The following CP variants were observed in gnomAD, a reference collection of about 807,000 sequenced individuals.
CP encodes the protein ceruloplasmin.
CP carries 64 observed loss-of-function variants against 122.4 expected under a neutral mutation model. That is an observed-to-expected ratio of 0.52 (90% CI 0.43 to 0.64). The LOEUF (loss-of-function observed/expected upper bound fraction) is 0.64, where lower values mean the gene tolerates loss of function less well. Ranked by LOEUF, CP falls within the 30% of genes least tolerant of loss-of-function variation. The probability of loss-of-function intolerance (pLI) is 0.00; values close to 1 mark genes in which losing one functional copy is unlikely to be tolerated. For synonymous variants in CP, 440 were observed against 436.4 expected, an observed-to-expected ratio of 1.01 and a Z score of -0.10; for missense variants, 1,167 against 1,284.4, an observed-to-expected ratio of 0.91 and a Z score of 1.40.
chr3:149,181,985 A>ACCCCCTCCCCCCC lies in CP; in HGVS notation c.2554+19_2554+20insGGGGGGGAGGGGG. On this transcript the variant is annotated intron_variant, in intron 14 of 18. Transcript: ENST00000264613. ...CAGCCTGTTAAAATGCACCACCCCC[A>ACCCCCTCCCCCCC]CCCCCGCCCCCGTGAGTACCTGGTA... 1 of 402,782 alleles carries ACCCCCTCCCCCCC rather than the reference A, an allele frequency of 2.5e-6. No homozygotes were observed. The highest frequency in any genetic ancestry group is 4.6e-6 in the Non-Finnish European group (1 of 217,524). The allele number at this position is 402,782 out of a possible 1,614,324, so 25.0% of individuals were successfully genotyped here. A position where few individuals can be genotyped will look rare whatever the true frequency, so the allele number is the denominator to read the frequency against.
rs764198042 is a variant in CP, at chr3:149,183,544, C to T, written c.2347G>A (p.Val783Met). The T allele has an allele frequency of 3.1e-6, 5 of 1,610,134 alleles. No homozygotes were observed. The East Asian group carries it at 8.9e-5, about 29-fold the overall frequency. The change falls in exon 13 of 19, where the codon GTG becomes ATG. Residue 783 changes from valine (V) to methionine (M), a missense_variant. Coordinates refer to ENST00000264613, the MANE Select transcript of CP (RefSeq NM_000096.4). ...FYIGSKYKKV[V>M]YRQYTDSTFR... ...GTGCTATCAGTATACTGCCGATACA[C>T]AACTTTCTTGTACTTTGAGCCTATG...
intron 15 of CP, 74 bp from the exon 16 acceptor site, chr3:149,178,705 AG>A: frequency 9.2e-7 from 1 of 1,090,272 alleles, no homozygotes; most frequent in East Asian, 2.6e-5. Flanking sequence ...CTTTGCACCC[AG>A]GGCCTCAGGA....
At chr3:149,194,727 C>T (rs1726783419) in intron 9 of CP, among the ~76,000 whole-genome samples, 1 of 152,138 alleles carries the variant, frequency 6.6e-6, no homozygotes, top group Non-Finnish European at 1.5e-5. Flanking sequence ...GACTCAACTT[C>T]GTGATTATGT....
intron 1 of CP, 109 bp from the exon 2 acceptor site, chr3:149,212,807 T>C: frequency 1.5e-6 from 2 of 1,336,476 alleles, no homozygotes; most frequent in Non-Finnish European, 2.0e-6. Context: ...GCACATCACA[T>C]TGAATGTTTG....
At chr3:149,162,755 A>G (rs1261949952) in exon 6 of CP, 5 of 1,613,884 alleles carry the variant, frequency 3.1e-6, no homozygotes, top group Admixed American at 3.3e-5. Flanking sequence ...AAGCTCAGCT[A>G]GTGGCATGTC....
At chr3:149,218,659 G>A (rs1011471617) in intron 1 of CP, among the ~76,000 whole-genome samples, 1 of 152,058 alleles carries the variant, frequency 6.6e-6, no homozygotes, top group Admixed American at 6.6e-5. Context: ...GCAAGGAAAA[G>A]TTTTTACAAT....
At chr3:149,178,339 G>A in intron 16 of CP, 76 bp downstream of exon 16, 1 of 1,153,102 alleles carries the variant, frequency 8.7e-7, no homozygotes, top group East Asian at 2.5e-5. Context: ...ACAAATGAAT[G>A]GTCTCCAAAA....
intron 7 of CP, among the ~76,000 whole-genome samples, chr3:149,201,216 C>T (rs987705160): frequency 1.2e-4 from 19 of 152,056 alleles, no homozygotes; most frequent in African/African-American, 4.3e-4. Flanking sequence ...CTCCGCCTCC[C>T]GAGTTCACGC....
In CP at chr3:149,165,201, G is replaced by A. The variant is rs569601451; in HGVS notation, c.*13+745C>T. 2.6e-5 allele frequency among the ~76,000 whole-genome samples: 4 copies of A among 152,110 alleles called. No individual in the cohort carries two copies. The South Asian group carries it at 8.3e-4, about 32-fold the overall frequency. On this transcript the variant is annotated intron_variant, in intron 5 of 5. Transcript: ENST00000479771. ...TGAGCATGTGCTGTAGATGTATGGG[G>A]AGCATTGGACAAGACAGATGGAGCT...
chr3:149,180,494 C>T (rs1258688637), intron 14 of CP, among the ~76,000 whole-genome samples: 2 of 152,172 alleles, frequency 1.3e-5, no homozygotes, highest in African/African-American at 4.8e-5. Context: ...CTCACCAATC[C>T]CAGCCACACT....
chr3:149,197,253 C>T (rs34650204), intron 9 of CP, among the ~76,000 whole-genome samples: 1,820 of 152,140 alleles, frequency 0.012, 13 homozygotes, highest in Non-Finnish European at 0.019. Flanking sequence ...CACATGGACG[C>T]GCATGAAAGT....
chr3:149,212,315 A>C (rs574094979), intron 2 of CP, 136 bp downstream of exon 2: 9 of 969,078 alleles, frequency 9.3e-6, no homozygotes, highest in Non-Finnish European at 1.3e-5. Context: ...AAATTAAAAA[A>C]AAATAAAAAA....
chr3:149,163,607 C>T (rs1279288072), intron 5 of CP, among the ~76,000 whole-genome samples: 1 of 152,056 alleles, frequency 6.6e-6, no homozygotes, highest in Non-Finnish European at 1.5e-5. Flanking sequence ...CTAGAAAGTG[C>T]CTCTTTGGAG....
chr3:149,192,550 C>T (rs1265302609), intron 9 of CP, among the ~76,000 whole-genome samples: 1 of 149,328 alleles, frequency 6.7e-6, no homozygotes, highest in African/African-American at 2.5e-5. Flanking sequence ...TATATTGTCA[C>T]AGGCAAACAA....
intron 13 of CP, among the ~76,000 whole-genome samples, chr3:149,182,941 A>G (rs1725881831): frequency 6.6e-6 from 1 of 152,084 alleles, no homozygotes; most frequent in Admixed American, 6.5e-5. Flanking sequence ...ACTTGAGGCC[A>G]GGAGTTTGAG....
chr3:149,183,487 C>T lies in CP; in HGVS notation c.2404G>A (p.Glu802Lys). 1.9e-6 allele frequency: 3 copies of T among 1,611,532 alleles called. No individual in the cohort carries two copies. Among genetic ancestry groups the T allele is most frequent in the East Asian group, 2.2e-5 (1 of 44,802 alleles). Residue 802 changes from glutamate (E) to lysine (K), a missense_variant, in exon 13 of 19, where the codon GAA becomes AAA. By Grantham distance (56) the Glu-to-Lys change is moderately conservative. Transcript: ENST00000264613. Reference protein sequence around the residue: ...FRVPVERKAEEEHLGILGPQL... With the variant: ...FRVPVERKAEKEHLGILGPQL... ...ATACCTAGAATTCCCAGATGTTCTT[C>T]TTCAGCTTTTCTCTCCACTGGAACA... is the stretch of plus-strand genomic sequence containing the variant.
At chr3:149,210,888 A>C (rs939136029) in intron 2 of CP, among the ~76,000 whole-genome samples, 1 of 152,170 alleles carries the variant, frequency 6.6e-6, no homozygotes, top group Non-Finnish European at 1.5e-5. Context: ...GTACCCCCAC[A>C]CACTCTTATC....
chr3:149,213,603 A>G (rs1728256711), intron 1 of CP, among the ~76,000 whole-genome samples: 1 of 150,848 alleles, frequency 6.6e-6, no homozygotes, highest in South Asian at 2.1e-4. Flanking sequence ...AGGCTCTTCC[A>G]TTTGAATAAA....
chr3:149,185,696 T>C (rs1014031955), intron 11 of CP, among the ~76,000 whole-genome samples: 10 of 152,194 alleles, frequency 6.6e-5, no homozygotes, highest in Admixed American at 2.0e-4. Flanking sequence ...GTTCACACCC[T>C]CATTTTATTC....
Sources: allele counts gnomAD v4.1 joint callset (sites outside exome capture counted in the v4.1 genomes callset), GRCh38; gene constraint gnomAD v4.1.1; transcripts MANE v1.5; gene names NCBI Gene and HGNC (gene_info 2026-07-23, HGNC 2026-07-21).